Variants in PPP1R13B observed in about 807,000 individuals in gnomAD.
The protein encoded by PPP1R13B is apoptosis-stimulating of p53 protein 1.
In PPP1R13B, 44 loss-of-function variants were observed where a neutral mutation model predicts 119.8. The observed-to-expected ratio is 0.37, with a 90% CI of 0.29 to 0.47. PPP1R13B has a LOEUF of 0.47. Ranked by LOEUF, PPP1R13B falls within the 20% of genes least tolerant of loss-of-function variation. PPP1R13B has a pLI of 0.99. For missense variants in PPP1R13B, 1,227 were observed against 1,413.5 expected, an observed-to-expected ratio of 0.87 and a Z score of 2.12; for synonymous variants, 542 against 561.5, an observed-to-expected ratio of 0.97 and a Z score of 0.49.
intron 4 of PPP1R13B, chr14:103,764,293 T>C (rs1162553677): frequency 5.9e-6 from 1 of 168,120 alleles, no homozygotes; most frequent in African/African-American, 2.4e-5. Context: ...TATAGCTTAA[T>C]TCTTGTGGAT....
At chr14:103,757,804 T>G in intron 4 of PPP1R13B, 53 bp from the exon 5 acceptor site, 1 of 1,485,310 alleles carries the variant, frequency 6.7e-7, no homozygotes, top group Non-Finnish European at 9.4e-7. Flanking sequence ...TAATTGTCTG[T>G]CTCTAGTGTC....
chr14:103,825,157 C>T (rs902679974), intron 1 of PPP1R13B, among the ~76,000 whole-genome samples: 1 of 152,168 alleles, frequency 6.6e-6, no homozygotes, highest in African/African-American at 2.4e-5. Context: ...ATAGCACCCA[C>T]GTAGAACAGC....
chr14:103,733,686 G>A lies in PPP1R13B; in HGVS notation c.*1468C>T, dbSNP rs2084011498. On this transcript the variant is annotated 3_prime_UTR_variant, in exon 17 of 17. Coordinates refer to ENST00000202556, the MANE Select transcript of PPP1R13B (RefSeq NM_015316.3). ...CATACGGACAAGGCCTCGCCTTCCT[G>A]TGTCCAGATCACCTGAACCCTCGTG... The A allele has an allele frequency of 6.6e-6, 1 of 152,592 alleles. No homozygotes were observed. The highest frequency in any genetic ancestry group is 2.4e-5 in the African/African-American group (1 of 41,440). The allele number at this position is 152,592 out of a possible 1,614,324, so 9.5% of individuals were successfully genotyped here.
At chr14:103,758,984 A>G (rs2084741346) in intron 4 of PPP1R13B, among the ~76,000 whole-genome samples, 1 of 146,698 alleles carries the variant, frequency 6.8e-6, no homozygotes, top group Non-Finnish European at 1.5e-5. Context: ...CTTGAGACGG[A>G]GTCTCGCTCT....
intron 1 of PPP1R13B, chr14:103,804,138 G>A: frequency 5.1e-6 from 4 of 780,408 alleles, no homozygotes; most frequent in Non-Finnish European, 6.2e-6. Context: ...TAGACCATAA[G>A]GACAATACTT....
intron 2 of PPP1R13B, among the ~76,000 whole-genome samples, chr14:103,790,448 T>C (rs2085589302): frequency 1.3e-5 from 2 of 152,012 alleles, no homozygotes. Context: ...GATTAGGTCA[T>C]GAGAGCTCTA....
chr14:103,774,171 GAGCTAA>G (rs1330410071), intron 4 of PPP1R13B, among the ~76,000 whole-genome samples: 1 of 152,174 alleles, frequency 6.6e-6, no homozygotes, highest in African/African-American at 2.4e-5. Flanking sequence ...CTACATGTAA[GAGCTAA>G]AACTATAAAG....
intron 1 of PPP1R13B, among the ~76,000 whole-genome samples, chr14:103,800,091 G>A (rs576701567): frequency 1.3e-5 from 2 of 151,956 alleles, no homozygotes; most frequent in African/African-American, 4.8e-5. Flanking sequence ...AAGGAATAAA[G>A]TAAAATTTAA....
intron 4 of PPP1R13B, 146 bp from the exon 5 acceptor site, chr14:103,757,897 T>C (rs2084715967): frequency 1.8e-6 from 1 of 541,278 alleles, no homozygotes. Context: ...GTAAGAACTT[T>C]TCCTAATTGT....
intron 1 of PPP1R13B, among the ~76,000 whole-genome samples, chr14:103,839,387 G>C (rs1239202290): frequency 2.6e-5 from 4 of 151,854 alleles, no homozygotes; most frequent in South Asian, 2.1e-4. Context: ...CAGCACTTTG[G>C]GGGGTTGAGG....
intron 1 of PPP1R13B, among the ~76,000 whole-genome samples, chr14:103,803,629 C>T (rs770070300): frequency 4.6e-5 from 7 of 151,822 alleles, no homozygotes; most frequent in Non-Finnish European, 1.0e-4. Flanking sequence ...GGCAACAGAG[C>T]GAGACTCCGT....
intron 1 of PPP1R13B, among the ~76,000 whole-genome samples, chr14:103,824,126 A>C (rs1165930012): frequency 7.8e-6 from 1 of 128,090 alleles, no homozygotes; most frequent in Non-Finnish European, 1.5e-5. Context: ...GCTCATTGCG[A>C]CCTCCACCTC....
chr14:103,760,943 A>C (rs1595736402), intron 4 of PPP1R13B, among the ~76,000 whole-genome samples: 1 of 152,246 alleles, frequency 6.6e-6, no homozygotes, highest in South Asian at 2.1e-4. Context: ...TTTTATAAAC[A>C]AAATATTTGT....
intron 9 of PPP1R13B, among the ~76,000 whole-genome samples, chr14:103,744,429 C>T (rs1041414845): frequency 1.3e-5 from 2 of 152,190 alleles, no homozygotes; most frequent in African/African-American, 2.4e-5. Flanking sequence ...GGAGGGTACA[C>T]GTGGCCCCAC....
intron 2 of PPP1R13B, 129 bp from the exon 3 acceptor site, chr14:103,785,043 T>A (rs1595768423): frequency 2.6e-6 from 2 of 757,378 alleles, no homozygotes; most frequent in East Asian, 6.4e-5. Flanking sequence ...TTCAAAGATA[T>A]TACAAGCACT....
At chr14:103,768,675 C>T (rs566121067) in intron 4 of PPP1R13B, among the ~76,000 whole-genome samples, 8 of 147,402 alleles carry the variant, frequency 5.4e-5, no homozygotes, top group South Asian at 2.2e-4. Context: ...TTGTGATCTG[C>T]CTGCCTGCCT....
At chr14:103,836,033 G>A (rs192950475) in intron 1 of PPP1R13B, among the ~76,000 whole-genome samples, 6 of 149,294 alleles carry the variant, frequency 4.0e-5, no homozygotes, top group African/African-American at 1.2e-4. Flanking sequence ...AAGCCATGGC[G>A]CCTGGCCTAC....
chr14:103,826,237 A>G (rs2086539023), intron 1 of PPP1R13B, among the ~76,000 whole-genome samples: 2 of 152,128 alleles, frequency 1.3e-5, no homozygotes, highest in Non-Finnish European at 2.9e-5. Flanking sequence ...TATTGCGATT[A>G]TTTGCTTTAT....
intron 3 of PPP1R13B, 36 bp from the exon 4 acceptor site, chr14:103,778,857 G>A (rs188207787): frequency 9.7e-5 from 147 of 1,511,190 alleles, no homozygotes; most frequent in East Asian, 3.4e-4. Flanking sequence ...ACCAAAAGGC[G>A]TATTAGAAAA....
Sources: allele counts gnomAD v4.1 joint callset (sites outside exome capture counted in the v4.1 genomes callset), GRCh38; gene constraint gnomAD v4.1.1; transcripts MANE v1.5; gene names NCBI Gene and HGNC (gene_info 2026-07-23, HGNC 2026-07-21).